Variants in DYSF observed in about 807,000 individuals in gnomAD.
DYSF encodes the protein dystrophy-associated fer-1-like 1.
A neutral mutation model predicts 274.9 loss-of-function variants in DYSF; 212 were observed. The observed-to-expected ratio is 0.77, with a 90% CI of 0.69 to 0.86. The LOEUF (loss-of-function observed/expected upper bound fraction) is 0.86. DYSF is among the 40% of genes least tolerant of loss of function. DYSF has a pLI of 0.00. For synonymous variants in DYSF, 1,091 were observed against 1,078.7 expected (o/e 1.01, Z -0.22); for missense variants, 2,666 against 2,783.2 (o/e 0.96, Z 0.95).
intron 16 of DYSF, among the ~76,000 whole-genome samples, 168 bp downstream of exon 16, chr2:71,535,479 C>T (rs1225995279): frequency 1.3e-5 from 2 of 151,892 alleles, no homozygotes; most frequent in South Asian, 2.1e-4. Context: ...GGCAGTTCCT[C>T]GGAAGCTTAC....
In DYSF at chr2:71,570,589, C is replaced by G. The variant is rs894186211; in HGVS notation, c.3086-10C>G. On this transcript the variant is annotated splice_polypyrimidine_tract_variant and intron_variant, in intron 28 of 55. Coordinates refer to ENST00000410020, the MANE Select transcript of DYSF (RefSeq NM_001130987.2). ...GCCAAGCAATGAGTGACCGGTTCCC[C>G]CTCCCCCAGGCTGGGAGTATAGCAT... 1.2e-6 allele frequency: 2 copies of G among 1,613,128 alleles called. No homozygotes were observed. Among genetic ancestry groups the G allele is most frequent in the Non-Finnish European group, 1.7e-6 (2 of 1,179,708 alleles).
chr2:71,535,591 C>T (rs1054609720), intron 16 of DYSF, among the ~76,000 whole-genome samples: 10 of 151,670 alleles, frequency 6.6e-5, no homozygotes, highest in East Asian at 1.9e-4. Flanking sequence ...GGTGATGGCC[C>T]GGCAGGAGGG....
intron 40 of DYSF, among the ~76,000 whole-genome samples, chr2:71,618,692 T>A (rs2094011968): frequency 6.8e-6 from 1 of 146,552 alleles, no homozygotes; most frequent in Non-Finnish European, 1.5e-5. Context: ...TGTGAGTGTG[T>A]GTGCGTGGTA....
chr2:71,543,245 C>T (rs1327746212), intron 17 of DYSF, among the ~76,000 whole-genome samples: 1 of 146,172 alleles, frequency 6.8e-6, no homozygotes, highest in South Asian at 2.2e-4. Flanking sequence ...GGCAGAGGCG[C>T]TCCTCACATC....
chr2:71,481,658 C>T (rs2152682063), intron 2 of DYSF, among the ~76,000 whole-genome samples: 1 of 149,244 alleles, frequency 6.7e-6, no homozygotes, highest in South Asian at 2.2e-4. Context: ...TCAGCTCATA[C>T]TGTCACCTCT....
chr2:71,660,014 C>G (rs990969353), intron 44 of DYSF, among the ~76,000 whole-genome samples: 1 of 152,214 alleles, frequency 6.6e-6, no homozygotes, highest in African/African-American at 2.4e-5. Context: ...CTGACGGCCT[C>G]CAAGGTGTGG....
intron 22 of DYSF, among the ~76,000 whole-genome samples, chr2:71,559,665 A>G (rs1251702970): frequency 6.6e-6 from 1 of 152,100 alleles, no homozygotes; most frequent in Non-Finnish European, 1.5e-5. Flanking sequence ...CTGCTCCATC[A>G]GCCAGGACGC....
chr2:71,488,690 T>C (rs1218226242), intron 3 of DYSF, among the ~76,000 whole-genome samples: 2 of 152,184 alleles, frequency 1.3e-5, no homozygotes, highest in African/African-American at 2.4e-5. Flanking sequence ...TCAAGTGTTA[T>C]AGGAGGAGGT....
At chr2:71,645,832 G>A (rs991206718) in intron 42 of DYSF, among the ~76,000 whole-genome samples, 8 of 152,106 alleles carry the variant, frequency 5.3e-5, no homozygotes, top group African/African-American at 1.2e-4. Flanking sequence ...TCTGTACCCC[G>A]CAATTACCTC....
rs1467389343 is a variant in DYSF at position 71,660,633 on chromosome 2, T to C, written c.4985T>C (p.Leu1662Pro). Residue 1662 changes from leucine (L) to proline (P), a missense_variant, in exon 45 of 56, where the codon CTG (leucine) becomes CCG (proline). Physicochemically the swap from Leu to Pro is moderately conservative, Grantham distance 98. Around this residue, in one of 3 missense-constraint regions of DYSF, gnomAD observed 1,460 missense variants for 1,502.1 expected, o/e 0.97. Coordinates refer to ENST00000410020, the MANE Select transcript of DYSF (RefSeq NM_001130987.2). ...SDQDNYIPCT[L>P]EPVFGKMFEL... ...CAGGATAACTACATCCCCTGCACGC[T>C]GGAGCCCGTATTTGGAAAGTAAATT... The C allele has an allele frequency of 6.2e-7, 1 of 1,614,082 alleles. No individual in the cohort carries two copies.
At chr2:71,472,137 A>G (rs987785539) in intron 1 of DYSF, among the ~76,000 whole-genome samples, 2 of 152,278 alleles carry the variant, frequency 1.3e-5, no homozygotes, top group Admixed American at 6.5e-5. Context: ...AAGTGTTTAT[A>G]TTTATATCCA....
At chr2:71,491,068 C>T (rs1452103499) in intron 3 of DYSF, among the ~76,000 whole-genome samples, 1 of 152,006 alleles carries the variant, frequency 6.6e-6, no homozygotes, top group Non-Finnish European at 1.5e-5. Context: ...TAATGTCCAC[C>T]AACAATGCAA....
At chr2:71,456,167 C>G (rs1216000974) in intron 1 of DYSF, among the ~76,000 whole-genome samples, 1 of 152,212 alleles carries the variant, frequency 6.6e-6, no homozygotes, top group Non-Finnish European at 1.5e-5. Context: ...TAGGCTCCCC[C>G]TTTCCAGGGC....
At chr2:71,645,805 T>C (rs554731274) in intron 42 of DYSF, among the ~76,000 whole-genome samples, 1 of 152,236 alleles carries the variant, frequency 6.6e-6, no homozygotes, top group African/African-American at 2.4e-5. Flanking sequence ...TACTTCTGGA[T>C]TATAAATGGG....
In DYSF at chr2:71,655,358, G is replaced by A. The variant is rs367857784; in HGVS notation, c.4627-804G>A. ...AGAAAAGATAGAACTTGACCTTCAA[G>A]GAAGAGACAGAATTTGAGCTGGGCC... On this transcript the variant is annotated intron_variant, in intron 42 of 55. Transcript: ENST00000410020. 1.6e-3 allele frequency among the ~76,000 whole-genome samples: 239 copies of A among 152,222 alleles called. 1 individual carries two copies. The highest frequency in any genetic ancestry group is 5.8e-3 in the South Asian group (28 of 4,810).
intron 1 of DYSF, among the ~76,000 whole-genome samples, chr2:71,478,042 A>AC (rs2082535627): frequency 2.2e-5 from 3 of 134,894 alleles, no homozygotes; most frequent in African/African-American, 9.3e-5. Context: ...GGGAAGTTAT[A>AC]GTTTTTTTTT....
chr2:71,638,688 G>A (rs1216255902), intron 41 of DYSF, among the ~76,000 whole-genome samples: 1 of 152,138 alleles, frequency 6.6e-6, no homozygotes, highest in South Asian at 2.1e-4. Context: ...ACCAAATAAT[G>A]TGCCAGTGTA....
chr2:71,574,523 G>A, intron 30 of DYSF, 152 bp downstream of exon 30: 1 of 954,692 alleles, frequency 1.0e-6, no homozygotes, highest in Non-Finnish European at 1.5e-6. Context: ...CCTGTGGGGT[G>A]GCATGTGGGG....
intron 10 of DYSF, among the ~76,000 whole-genome samples, chr2:71,519,811 G>GTTTTTTTTTTTTTT (rs70959241): frequency 7.8e-5 from 8 of 102,276 alleles, no homozygotes; most frequent in South Asian, 3.4e-4. Flanking sequence ...CACCCGGCTA[G>GTTTTTTTTTTTTTT]TTTTTTTTTT....
Sources: gnomAD v4.1 joint callset for allele counts (sites outside exome capture counted in the v4.1 genomes callset) on GRCh38, gnomAD v4.1.1 for gene constraint, gnomAD v4.1.1 regional missense constraint, MANE v1.5 for transcripts, NCBI Gene and HGNC (gene_info 2026-07-23, HGNC 2026-07-21) for gene names.